Variants in WWOX observed in about 807,000 individuals in gnomAD.
WWOX encodes the protein WW domain containing oxidoreductase.
WWOX carries 69 observed loss-of-function variants against 46.2 expected under a neutral mutation model. The observed-to-expected ratio is 1.49, with a 90% CI of 1.23 to 1.82. The LOEUF is 1.82. Ranked by LOEUF, WWOX falls within the 40% of genes most tolerant of loss-of-function variation. The probability of loss-of-function intolerance (pLI) is 0.00; values close to 1 mark genes in which losing one functional copy is unlikely to be tolerated. For missense variants in WWOX, 919 were observed against 542.6 expected, an observed-to-expected ratio of 1.69 and a Z score of -6.89; for synonymous variants, 359 against 202.6, an observed-to-expected ratio of 1.77 and a Z score of -6.56.
chr16:78,320,079 C>G (rs376316467), intron 5 of WWOX, among the ~76,000 whole-genome samples: 1 of 152,092 alleles, frequency 6.6e-6, no homozygotes, highest in African/African-American at 2.4e-5. Context: ...TCTCTTTCTC[C>G]CTAAGTAGGC....
At chr16:79,210,806 G>A (rs1199153105) in intron 8 of WWOX, among the ~76,000 whole-genome samples, 2 of 152,090 alleles carry the variant, frequency 1.3e-5, no homozygotes, top group Non-Finnish European at 2.9e-5. Context: ...CCTCATCACT[G>A]CACACGTCCC....
At chr16:78,808,091 T>C (rs998229582) in intron 8 of WWOX, among the ~76,000 whole-genome samples, 10 of 152,186 alleles carry the variant, frequency 6.6e-5, no homozygotes, top group African/African-American at 1.9e-4. Flanking sequence ...TTGGAGACTC[T>C]CCTAGGGCCT....
chr16:78,830,400 C>G, intron 8 of WWOX, among the ~76,000 whole-genome samples: 1 of 152,128 alleles, frequency 6.6e-6, no homozygotes, highest in South Asian at 2.1e-4. Flanking sequence ...GGGGGTTTTT[C>G]TCACTGGTTT....
At chr16:78,843,254 C>T (rs1474357705) in intron 8 of WWOX, among the ~76,000 whole-genome samples, 1 of 150,120 alleles carries the variant, frequency 6.7e-6, no homozygotes, top group Non-Finnish European at 1.5e-5. Context: ...CCTTCATGAG[C>T]TTGTACCTCT....
intron 8 of WWOX, among the ~76,000 whole-genome samples, chr16:78,622,791 A>G (rs2046221762): frequency 1.3e-5 from 2 of 152,210 alleles, no homozygotes; most frequent in Admixed American, 6.5e-5. Context: ...AAATACCATT[A>G]AGGTCTTACA....
At chr16:78,493,392 G>A (rs1341477921) in intron 8 of WWOX, among the ~76,000 whole-genome samples, 2 of 152,158 alleles carry the variant, frequency 1.3e-5, no homozygotes, top group African/African-American at 4.8e-5. Context: ...GGCGTGGCTT[G>A]ATTTATGCAC....
chr16:78,672,850 A>G (rs1461437093), intron 8 of WWOX, among the ~76,000 whole-genome samples: 1 of 152,248 alleles, frequency 6.6e-6, no homozygotes, highest in Non-Finnish European at 1.5e-5. Context: ...TCACTAAAAT[A>G]GAATCATCGC....
chr16:78,846,424 A>T (rs994479618), intron 8 of WWOX, among the ~76,000 whole-genome samples: 1 of 151,660 alleles, frequency 6.6e-6, no homozygotes, highest in African/African-American at 2.4e-5. Context: ...ACAGTTTCTC[A>T]TGCATTATTT....
chr16:78,903,992 C>T (rs868726009), intron 8 of WWOX, among the ~76,000 whole-genome samples: 1 of 152,106 alleles, frequency 6.6e-6, no homozygotes, highest in Non-Finnish European at 1.5e-5. Flanking sequence ...TAAATGGCTG[C>T]AGCCCTATAA....
At chr16:78,251,620 T>C (rs1475446718) in intron 5 of WWOX, among the ~76,000 whole-genome samples, 3 of 152,244 alleles carry the variant, frequency 2.0e-5, no homozygotes, top group African/African-American at 7.2e-5. Flanking sequence ...GTCTGAAATA[T>C]ATTTACTTAC....
Position 78,625,797 on chromosome 16 carries a change from T to C in WWOX, c.1056+193045T>C, listed in dbSNP as rs919097143. 3.7e-5 allele frequency among the ~76,000 whole-genome samples: 5 copies of C among 135,526 alleles called. 1 individual carries two copies. The Admixed American group carries it at 3.7e-4, about 10-fold the overall frequency. 88.9% of individuals were successfully genotyped at this position (135,526 alleles called of 152,430 possible). On this transcript the variant is annotated intron_variant, in intron 8 of 8. Coordinates refer to ENST00000566780, the MANE Select transcript of WWOX (RefSeq NM_016373.4). ...AGTTTTTGCCAGTACTTAAAAGTAA[T>C]GGCAAAAACTGCAAAAGTAATTGGC...
In WWOX at chr16:78,692,020, G is replaced by A. The variant is rs191959371; in HGVS notation, c.1056+259268G>A. Among the ~76,000 whole-genome samples the A allele has an allele frequency of 2.3e-3, 348 of 152,314 alleles. 1 individual carries two copies. Among genetic ancestry groups the A allele is most frequent in the East Asian group, 1.5e-3 (8 of 5,178 alleles). ...CCTCATTTTCTCTTGCCACTGCCAT[G>A]TAAGAAGTGCCTTTTGCCTACCACC... On this transcript the variant is annotated intron_variant, in intron 8 of 8. Transcript: ENST00000566780.
At chr16:78,457,249 G>C (rs2083841818) in intron 8 of WWOX, among the ~76,000 whole-genome samples, 1 of 152,190 alleles carries the variant, frequency 6.6e-6, no homozygotes, top group Non-Finnish European at 1.5e-5. Context: ...GGATTATCCA[G>C]AGGTAGCAAA....
intron 8 of WWOX, among the ~76,000 whole-genome samples, chr16:78,670,634 A>G (rs2047438416): frequency 6.6e-6 from 1 of 152,088 alleles, no homozygotes; most frequent in Admixed American, 6.5e-5. Flanking sequence ...GGAACCTCAG[A>G]ATGTGACCTC....
At chr16:78,907,611 G>A (rs1051408344) in intron 8 of WWOX, among the ~76,000 whole-genome samples, 1 of 152,300 alleles carries the variant, frequency 6.6e-6, no homozygotes, top group African/African-American at 2.4e-5. Flanking sequence ...GATGGGGCTA[G>A]GTTAGATCAG....
rs550216502 is a variant in WWOX at position 78,405,933 on chromosome 16, C to T, written c.606-18937C>T. ...TCTTATCTGTCACATACCTCTCTGA[C>T]ATGCTAAAATTGCACTAAACAAAAG... is the stretch of plus-strand genomic sequence containing the variant. On this transcript the variant is annotated intron_variant, in intron 6 of 8. Coordinates refer to ENST00000566780, the MANE Select transcript of WWOX (RefSeq NM_016373.4). Among the ~76,000 whole-genome samples, 8 of 152,208 alleles carry T rather than the reference C, an allele frequency of 5.3e-5. 1 individual carries two copies. The highest frequency in any genetic ancestry group is 1.9e-4 in the African/African-American group (8 of 41,538).
chr16:78,366,341 C>T (rs904309100), intron 5 of WWOX, among the ~76,000 whole-genome samples: 1 of 152,208 alleles, frequency 6.6e-6, no homozygotes, highest in African/African-American at 2.4e-5. Context: ...TGCCTATCCA[C>T]ACATCCTTAA....
chr16:78,330,415 C>A (rs1433717909), intron 5 of WWOX, among the ~76,000 whole-genome samples: 1 of 149,858 alleles, frequency 6.7e-6, no homozygotes, highest in African/African-American at 2.5e-5. Flanking sequence ...TTTTTTTTCC[C>A]CTGAGAAAGT....
intron 8 of WWOX, among the ~76,000 whole-genome samples, chr16:78,883,252 C>CT (rs1385131056): frequency 1.3e-5 from 2 of 152,136 alleles, no homozygotes; most frequent in African/African-American, 2.4e-5. Flanking sequence ...CAGCAAGCTC[C>CT]TGAACCCATC....
Sources: allele counts gnomAD v4.1 joint callset (sites outside exome capture counted in the v4.1 genomes callset), GRCh38; gene constraint gnomAD v4.1.1; transcripts MANE v1.5; gene names NCBI Gene and HGNC (gene_info 2026-07-23, HGNC 2026-07-21).